Variants in IL12RB1 observed in about 807,000 individuals in gnomAD.
IL12RB1 encodes the protein interleukin-12 receptor subunit beta-1.
IL12RB1 carries 64 observed loss-of-function variants against 94.4 expected under a neutral mutation model. The observed-to-expected ratio is 0.68, with a 90% CI of 0.55 to 0.83. IL12RB1 has a LOEUF of 0.83. IL12RB1 is among the 40% of genes least tolerant of loss of function. The probability of loss-of-function intolerance (pLI) is 0.00; values close to 1 mark genes in which losing one functional copy is unlikely to be tolerated. For synonymous variants in IL12RB1, 362 were observed against 355.5 expected, an observed-to-expected ratio of 1.02 and a Z score of -0.21; for missense variants, 814 against 855.6, an observed-to-expected ratio of 0.95 and a Z score of 0.61.
In IL12RB1 at chr19:18,062,268, A is replaced by G; in HGVS notation, c.1628T>C (p.Val543Ala). 6.2e-7 allele frequency: 1 copy of G among 1,609,724 alleles called. No individual in the cohort carries two copies. The highest frequency in any genetic ancestry group is 1.1e-5 in the South Asian group (1 of 90,986). The change falls in exon 14 of 17, where the codon GTT (valine) becomes GCT (alanine). Residue 543 changes from valine to alanine, a missense_variant. Physicochemically the swap from Val to Ala is moderately conservative, Grantham distance 64. Coordinates refer to ENST00000593993, the MANE Select transcript of IL12RB1 (RefSeq NM_005535.3). ...GGCGAAGAAGATGAGCCAATCAGAA[A>G]CCTGCACTTCTGAGGTGGGAGAGCG... is the stretch of plus-strand genomic sequence containing the variant. ...QPQRFSIEVQ[V>A]SDWLIFFASL...
intron 1 of IL12RB1, among the ~76,000 whole-genome samples, chr19:18,094,695 C>T (rs780266131): frequency 4.2e-4 from 64 of 152,228 alleles, no homozygotes; most frequent in Non-Finnish European, 7.1e-4. Flanking sequence ...GAAACCTTGT[C>T]TCTACAAAAA....
At position 18,068,440 on chromosome 19, in the gene IL12RB1, T is replaced by G. The variant is rs1214522721; in HGVS notation, c.1276A>C (p.Lys426Gln). The change falls in exon 11 of 17, where the codon AAG becomes CAG. Residue 426 changes from lysine (K) to glutamine (Q), a missense_variant. Physicochemically the swap from Lys to Gln is moderately conservative, Grantham distance 53. Transcript: ENST00000593993. Reference sequence around the variant, plus strand: ...AGGACCGTAGACCACAAGGTGAGCTTCTCGGGGTGCGCAGAGGCAAAGATG... The same window carrying G: ...AGGACCGTAGACCACAAGGTGAGCTGCTCGGGGTGCGCAGAGGCAAAGATG... ...ITIFASAHPEKLTLWSTVLST... is the reference protein window; with the variant it reads ...ITIFASAHPEQLTLWSTVLST... 6.2e-7 allele frequency: 1 copy of G among 1,613,422 alleles called. No homozygotes were observed. The highest frequency in any genetic ancestry group is 8.5e-7 in the Non-Finnish European group (1 of 1,179,614).
chr19:18,073,985 C>A (rs993405772), intron 7 of IL12RB1, among the ~76,000 whole-genome samples: 2 of 152,008 alleles, frequency 1.3e-5, no homozygotes, highest in Non-Finnish European at 2.9e-5. Flanking sequence ...CCACCATGTC[C>A]GGCTAATTTT....
intron 5 of IL12RB1, among the ~76,000 whole-genome samples, 152 bp downstream of exon 5, chr19:18,077,363 GA>G (rs915397826): frequency 2.9e-4 from 41 of 142,372 alleles, no homozygotes; most frequent in Non-Finnish European, 2.9e-4. Context: ...CTCCGTCTCA[GA>G]AAAAAAAAAA....
chr19:18,062,579 C>A (rs1455539917), intron 13 of IL12RB1, among the ~76,000 whole-genome samples: 2 of 152,074 alleles, frequency 1.3e-5, no homozygotes, highest in Non-Finnish European at 2.9e-5. Context: ...TCGAGACCAG[C>A]CTGACCAATA....
intron 9 of IL12RB1, among the ~76,000 whole-genome samples, chr19:18,071,627 A>AAAAAC (rs1555782529): frequency 1.3e-5 from 2 of 151,686 alleles, no homozygotes; most frequent in Non-Finnish European, 2.9e-5. Context: ...TCTCTTAAAA[A>AAAAAC]AAACAAACCA....
chr19:18,080,799 A>G, intron 4 of IL12RB1, 33 bp downstream of exon 4: 2 of 1,509,986 alleles, frequency 1.3e-6, no homozygotes, highest in Middle Eastern at 1.7e-4. Context: ...CTCTCTGGGT[A>G]AAAAACGGAC....
chr19:18,060,612 C>A (rs1487008156), intron 15 of IL12RB1, among the ~76,000 whole-genome samples: 2 of 152,100 alleles, frequency 1.3e-5, no homozygotes, highest in African/African-American at 4.8e-5. Flanking sequence ...AGTGCAGTGA[C>A]CCCACCTCAG....
chr19:18,069,570 G>C lies in IL12RB1; in HGVS notation c.1165C>G (p.Gln389Glu). The C allele has an allele frequency of 6.2e-7, 1 of 1,610,888 alleles. No individual in the cohort carries two copies. The highest frequency in any genetic ancestry group is 1.1e-5 in the South Asian group (1 of 91,080). The change falls in exon 10 of 17, where the codon CAA becomes GAA. Residue 389 changes from glutamine (Q) to glutamate (E), a missense_variant. Physicochemically the swap from Gln to Glu is conservative, Grantham distance 29. Coordinates refer to ENST00000593993, the MANE Select transcript of IL12RB1 (RefSeq NM_005535.3). ...CCCATTCCAGCCGGATCCGGGTCTT[G>C]CGGCGCAGTCAGGCTGCAGGTGGCA... ...GLATCSLTAP[Q>E]DPDPAGMATY...
In IL12RB1 at chr19:18,071,364, T is replaced by C. The variant is rs764724116; in HGVS notation, c.1021+748A>G. The C allele has an allele frequency of 4.0e-5, 41 of 1,014,102 alleles. No individual in the cohort carries two copies. The South Asian group carries it at 5.0e-4, about 12-fold the overall frequency. 62.8% of individuals were successfully genotyped at this position (1,014,102 alleles called of 1,614,324 possible). The stretch of plus-strand genomic sequence containing the variant: ...ACAAGAAAAAAAAGAAATTAGATCT[T>C]AAATAAACACAGGGTCAACTCTAGC... On this transcript the variant is annotated intron_variant, in intron 9 of 16. Coordinates refer to ENST00000593993, the MANE Select transcript of IL12RB1 (RefSeq NM_005535.3).
chr19:18,068,775 G>A (rs2034789854), intron 10 of IL12RB1, among the ~76,000 whole-genome samples: 1 of 138,802 alleles, frequency 7.2e-6, no homozygotes, highest in Admixed American at 7.2e-5. Flanking sequence ...TTGAGATGGA[G>A]TCTCGCTGTG....
At chr19:18,091,880 T>C (rs2036646528), upstream of IL12RB1, among the ~76,000 whole-genome samples, 1 of 150,650 alleles carries the variant, frequency 6.6e-6, no homozygotes, top group Non-Finnish European at 1.5e-5. Flanking sequence ...TTTTTTTTTT[T>C]TTTTTTTTAC....
At chr19:18,076,150 C>G in intron 6 of IL12RB1, 147 bp downstream of exon 6, 2 of 704,114 alleles carry the variant, frequency 2.8e-6, no homozygotes, top group South Asian at 3.0e-5. Flanking sequence ...GTTTCCCCAC[C>G]TGCAATTTGG....
rs401502 is a variant in IL12RB1 at position 18,069,603 on chromosome 19, C to T, written c.1132G>A (p.Gly378Arg). ...GTCAGGCTGCAGGTGGCAAGGCCCCCGTCCTGGCCCACAGGCTGCCATTCA... is the reference window on the plus strand; with the variant it reads ...GTCAGGCTGCAGGTGGCAAGGCCCCTGTCCTGGCCCACAGGCTGCCATTCA... ...CIEWQPVGQD[G>R]GLATCSLTAP... The change falls in exon 10 of 17, where the codon GGG (glycine) becomes AGG (arginine). Residue 378 changes from glycine to arginine, a missense_variant. Gly to Arg is a moderately radical substitution (Grantham distance 125). Coordinates refer to ENST00000593993, the MANE Select transcript of IL12RB1 (RefSeq NM_005535.3). 28 of 1,612,524 alleles carry T rather than the reference C, an allele frequency of 1.7e-5. No homozygotes were observed. Among genetic ancestry groups the T allele is most frequent in the Admixed American group, 6.7e-5 (4 of 59,974 alleles).
Position 18,059,361 on chromosome 19 carries a change from G to T in IL12RB1, c.*247C>A. 1 of 593,434 alleles carries T rather than the reference G, an allele frequency of 1.7e-6. No individual in the cohort carries two copies. The highest frequency in any genetic ancestry group is 3.0e-6 in the Non-Finnish European group (1 of 331,028). 36.8% of individuals were successfully genotyped at this position (593,434 alleles called of 1,614,324 possible). On this transcript the variant is annotated 3_prime_UTR_variant, in exon 17 of 17. Transcript: ENST00000593993. Reference sequence around the variant, plus strand: ...TGCCCCCATTCCCAGTCCATTCTACGCCAGAACAGGTAAATGGCAGGGTCT... The same window carrying T: ...TGCCCCCATTCCCAGTCCATTCTACTCCAGAACAGGTAAATGGCAGGGTCT...
Position 18,077,600 on chromosome 19 carries a change from C to T in IL12RB1, c.465G>A (p.Leu155=). 6 of 1,598,968 alleles carry T rather than the reference C, an allele frequency of 3.8e-6. No homozygotes were observed. The highest frequency in any genetic ancestry group is 5.1e-6 in the Non-Finnish European group (6 of 1,166,190). The change falls in exon 5 of 17, where the codon CTG becomes CTA. Residue 155 remains leucine, a synonymous_variant. Transcript: ENST00000593993. ...TATCCGGGGTCTCCCACTCCATACG[C>T]AGCTGCCCGGCCAACTTGGACACCT... ...DIKVSKLAGQ[L]RMEWETPDNQ...
intron 12 of IL12RB1, among the ~76,000 whole-genome samples, chr19:18,064,847 C>G (rs73925414): frequency 6.6e-6 from 1 of 152,198 alleles, no homozygotes; most frequent in African/African-American, 2.4e-5. Context: ...GGCTTGGACA[C>G]AGGACCAAAC....
Position 18,077,599 on chromosome 19 carries a change from G to C in IL12RB1, c.466C>G (p.Arg156Gly). The stretch of plus-strand genomic sequence containing the variant: ...TTATCCGGGGTCTCCCACTCCATAC[G>C]CAGCTGCCCGGCCAACTTGGACACC... ...IKVSKLAGQL[R>G]MEWETPDNQV... The change falls in exon 5 of 17, where the codon CGT becomes GGT. Residue 156 changes from arginine (R) to glycine (G), a missense_variant. By Grantham distance (125) the Arg-to-Gly change is moderately radical. Transcript: ENST00000593993. The C allele has an allele frequency of 6.3e-7, 1 of 1,596,470 alleles. No homozygotes were observed. The highest frequency in any genetic ancestry group is 8.6e-7 in the Non-Finnish European group (1 of 1,163,972).
At chr19:18,085,376 C>A (rs2036260873) in intron 1 of IL12RB1, among the ~76,000 whole-genome samples, 1 of 145,740 alleles carries the variant, frequency 6.9e-6, no homozygotes, top group Non-Finnish European at 1.5e-5. Flanking sequence ...GCCCATCCTC[C>A]TTCCCTTTCC....
Sources: gnomAD v4.1 joint callset for allele counts (sites outside exome capture counted in the v4.1 genomes callset) on GRCh38, gnomAD v4.1.1 for gene constraint, MANE v1.5 for transcripts, NCBI Gene and HGNC (gene_info 2026-07-23, HGNC 2026-07-21) for gene names.